SGTB: variants seen among roughly 807,000 people sequenced by gnomAD.
SGTB encodes the protein small glutamine-rich tetratricopeptide repeat-containing protein beta.
SGTB carries 19 observed loss-of-function variants against 43.9 expected under a neutral mutation model. That is an observed-to-expected ratio of 0.43 (90% CI 0.30 to 0.63). The LOEUF is 0.63. Ranked by LOEUF, SGTB falls within the 30% of genes least tolerant of loss-of-function variation. The pLI is 0.12. For synonymous variants in SGTB, 116 were observed against 117.3 expected, an observed-to-expected ratio of 0.99 and a Z score of 0.07; for missense variants, 304 against 358.9, an observed-to-expected ratio of 0.85 and a Z score of 1.24.
chr5:65,683,278 G>A (rs1475402705), intron 6 of SGTB, among the ~76,000 whole-genome samples: 1 of 152,092 alleles, frequency 6.6e-6, no homozygotes, highest in Non-Finnish European at 1.5e-5. Context: ...AAAAGATAGA[G>A]CATCACCTTA....
At chr5:65,702,429 GTA>G (rs1757843602) in intron 5 of SGTB, among the ~76,000 whole-genome samples, 2 of 152,202 alleles carry the variant, frequency 1.3e-5, no homozygotes, top group Non-Finnish European at 2.9e-5. Flanking sequence ...TCTCCTGCCA[GTA>G]CCTCCATGGC....
rs1397174407 is a variant in SGTB at position 65,702,848 on chromosome 5, C to T, written c.374+1431G>A. On this transcript the variant is annotated intron_variant, in intron 5 of 10. Coordinates refer to ENST00000381007, the MANE Select transcript of SGTB (RefSeq NM_019072.3). ...ACATTTGAAAAATATCCAACCTCACCAGTATTTAAATATAAATTAGAACAA... is the reference window on the plus strand; with the variant it reads ...ACATTTGAAAAATATCCAACCTCACTAGTATTTAAATATAAATTAGAACAA... Among the ~76,000 whole-genome samples, 4 of 152,042 alleles carry T rather than the reference C, an allele frequency of 2.6e-5. 1 individual carries two copies. Among genetic ancestry groups the T allele is most frequent in the Admixed American group, 2.6e-4 (4 of 15,266 alleles).
chr5:65,714,874 A>C (rs11742429), intron 2 of SGTB, among the ~76,000 whole-genome samples: 2,383 of 152,330 alleles, frequency 0.016, 22 homozygotes, highest in Non-Finnish European at 0.024. Context: ...ATTTTTAAAA[A>C]GATTTAGACT....
rs116727203 is a variant in SGTB at position 65,706,537 on chromosome 5, T to C, written c.274+1952A>G. ...TATTTAACATATAAAATACTTAACA[T>C]ATAAAAATTCAGGGTTGGGTGTGGT... is the stretch of plus-strand genomic sequence containing the variant. On this transcript the variant is annotated intron_variant, in intron 4 of 10. Transcript: ENST00000381007. Among the ~76,000 whole-genome samples the C allele has an allele frequency of 6.0e-3, 913 of 152,264 alleles. 10 individuals carry two copies. The highest frequency in any genetic ancestry group is 0.021 in the African/African-American group (874 of 41,552).
chr5:65,689,770 T>G lies in SGTB; in HGVS notation c.375-4298A>C, dbSNP rs146044257. ...GTGGGAGGAGAAGTCTGGCAGACTA[T>G]AGAGAAAAGGTGGTTTTAGGTCTAG... On this transcript the variant is annotated intron_variant, in intron 5 of 10. Transcript: ENST00000381007. Among the ~76,000 whole-genome samples the G allele has an allele frequency of 2.6e-3, 395 of 152,260 alleles. 3 individuals are homozygous for G. The highest frequency in any genetic ancestry group is 8.8e-3 in the African/African-American group (367 of 41,544).
intron 2 of SGTB, 78 bp downstream of exon 2, chr5:65,720,630 T>C: frequency 2.0e-6 from 3 of 1,515,276 alleles, no homozygotes; most frequent in Admixed American, 2.2e-5. Flanking sequence ...TTACAATAGA[T>C]CATCAAGTTG....
intron 3 of SGTB, among the ~76,000 whole-genome samples, chr5:65,711,390 A>T (rs1400881771): frequency 6.6e-6 from 1 of 152,214 alleles, no homozygotes; most frequent in Non-Finnish European, 1.5e-5. Flanking sequence ...TAATATCTTC[A>T]GTATTAAGTC....
intron 2 of SGTB, among the ~76,000 whole-genome samples, chr5:65,713,343 GA>G (rs1198748950): frequency 6.6e-6 from 1 of 150,906 alleles, no homozygotes; most frequent in Non-Finnish European, 1.5e-5. Flanking sequence ...TTTTTTTAGA[GA>G]CAAGGTTTCA....
At chr5:65,679,462 C>T (rs1757350886) in intron 8 of SGTB, among the ~76,000 whole-genome samples, 1 of 152,074 alleles carries the variant, frequency 6.6e-6, no homozygotes, top group Non-Finnish European at 1.5e-5. Flanking sequence ...ACTGACAATA[C>T]AATAATTAGC....
At chr5:65,682,643 AT>A (rs1757419508) in intron 6 of SGTB, among the ~76,000 whole-genome samples, 1 of 152,218 alleles carries the variant, frequency 6.6e-6, no homozygotes. Context: ...TGACCTGTGC[AT>A]GGGATAGATA....
At position 65,680,570 on chromosome 5, in the gene SGTB, A is replaced by G. The variant is rs772782440; in HGVS notation, c.619-14T>C. The G allele has an allele frequency of 1.9e-6, 3 of 1,614,004 alleles. No individual in the cohort carries two copies. Among genetic ancestry groups the G allele is most frequent in the African/African-American group, 2.7e-5 (2 of 74,952 alleles). ...TCCAGTTCCTGTCTGTAAAACAATT[A>G]TATCTGAGAATCAGTCCAGTATCTA... On this transcript the variant is annotated splice_polypyrimidine_tract_variant and intron_variant, in intron 7 of 10. Transcript: ENST00000381007.
At chr5:65,695,113 A>G (rs1006343045) in intron 5 of SGTB, among the ~76,000 whole-genome samples, 5 of 152,220 alleles carry the variant, frequency 3.3e-5, no homozygotes, top group African/African-American at 1.2e-4. Flanking sequence ...GAGTGCAAGT[A>G]GAAATGGAAA....
chr5:65,696,774 T>C (rs1757723493), intron 5 of SGTB, among the ~76,000 whole-genome samples: 1 of 152,224 alleles, frequency 6.6e-6, no homozygotes. Context: ...ATGGTATGTT[T>C]ACAAGGAAGG....
In SGTB at chr5:65,676,860, A is replaced by T. The variant is rs532699143; in HGVS notation, c.681+3634T>A. On this transcript the variant is annotated intron_variant, in intron 8 of 10. Transcript: ENST00000381007. ...AGAAATTTATAGCACTAAATGCCCA[A>T]ATCAAAAAGCTAGAAAGATCTCCAG... Among the ~76,000 whole-genome samples the T allele has an allele frequency of 1.0e-3, 153 of 152,194 alleles. 3 individuals are homozygous for T. In the South Asian group the frequency reaches 0.032, roughly 32 times the overall value.
chr5:65,708,674 T>C (rs774639414), intron 3 of SGTB, 116 bp from the exon 4 acceptor site: 23 of 662,674 alleles, frequency 3.5e-5, no homozygotes, highest in Non-Finnish European at 5.0e-5. Flanking sequence ...CTCCACATCA[T>C]GAAAACAACT....
chr5:65,696,104 T>C lies in SGTB; in HGVS notation c.374+8175A>G, dbSNP rs1478427524. On this transcript the variant is annotated intron_variant, in intron 5 of 10. Transcript: ENST00000381007. ...CTACGTGCTGTCACTAGCATTCTTA[T>C]TACAATGGCCTGAGGCTTCTTGATT... 8.5e-5 allele frequency among the ~76,000 whole-genome samples: 13 copies of C among 152,224 alleles called. 1 individual carries two copies. Among genetic ancestry groups the C allele is most frequent in the Admixed American group, 8.5e-4 (13 of 15,284 alleles).
chr5:65,703,025 T>A (rs1337209347), intron 5 of SGTB, among the ~76,000 whole-genome samples: 1 of 152,210 alleles, frequency 6.6e-6, no homozygotes, highest in Non-Finnish European at 1.5e-5. Context: ...TCAACAATTT[T>A]AAAAATAATT....
chr5:65,695,488 A>C (rs1271244713), intron 5 of SGTB, among the ~76,000 whole-genome samples: 1 of 152,180 alleles, frequency 6.6e-6, no homozygotes, highest in African/African-American at 2.4e-5. Flanking sequence ...TGGAAGATGA[A>C]GCGAAACATG....
chr5:65,689,945 C>T (rs965542428), intron 5 of SGTB, among the ~76,000 whole-genome samples: 6 of 151,962 alleles, frequency 3.9e-5, no homozygotes, highest in African/African-American at 1.2e-4. Context: ...TTCAACAAAC[C>T]AGTTTTGGTA....
Sources: allele counts gnomAD v4.1 joint callset (sites outside exome capture counted in the v4.1 genomes callset), GRCh38; gene constraint gnomAD v4.1.1; transcripts MANE v1.5; gene names NCBI Gene and HGNC (gene_info 2026-07-23, HGNC 2026-07-21).